DLG2: variants seen among roughly 807,000 people sequenced by gnomAD.
DLG2 encodes disks large homolog 2.
DLG2 carries 45 observed loss-of-function variants against 132.5 expected under a neutral mutation model. The observed-to-expected ratio is 0.34, with a 90% confidence interval of 0.27 to 0.44. The LOEUF (loss-of-function observed/expected upper bound fraction) is 0.44. DLG2 is among the 20% of genes least tolerant of loss of function. The probability of loss-of-function intolerance (pLI) is 1.00; values close to 1 mark genes in which losing one functional copy is unlikely to be tolerated. For synonymous variants in DLG2, 424 were observed against 419.6 expected (o/e 1.01, Z -0.13); for missense variants, 1,045 against 1,196.9 (o/e 0.87, Z 1.87).
At chr11:83,753,884 C>CATATATGAT (rs1566833454) in intron 18 of DLG2, among the ~76,000 whole-genome samples, 1 of 18,758 alleles carries the variant, frequency 5.3e-5, no homozygotes, top group African/African-American at 7.3e-4. Context: ...TGATATATAT[C>CATATATGAT]ATATATATCA....
chr11:84,657,615 C>G (rs1595044941), intron 6 of DLG2, among the ~76,000 whole-genome samples: 1 of 152,096 alleles, frequency 6.6e-6, no homozygotes, highest in Non-Finnish European at 1.5e-5. Flanking sequence ...AACCTAGATC[C>G]CTCACATGCA....
chr11:83,490,501 A>G (rs914951393), intron 21 of DLG2, among the ~76,000 whole-genome samples: 9 of 152,050 alleles, frequency 5.9e-5, no homozygotes, highest in African/African-American at 2.2e-4. Context: ...CAAGTTAGGG[A>G]AGAATCATCT....
At chr11:84,721,442 A>G (rs929730053) in intron 6 of DLG2, among the ~76,000 whole-genome samples, 2 of 152,056 alleles carry the variant, frequency 1.3e-5, no homozygotes, top group African/African-American at 4.8e-5. Context: ...CCCCAGAAGT[A>G]GTATTTATGT....
At chr11:85,127,462 G>T (rs939237055) in intron 5 of DLG2, among the ~76,000 whole-genome samples, 1 of 151,934 alleles carries the variant, frequency 6.6e-6, no homozygotes, top group Non-Finnish European at 1.5e-5. Flanking sequence ...CATTTCCATA[G>T]CACTCTATAT....
At chr11:83,930,810 C>T (rs1435300096) in intron 14 of DLG2, among the ~76,000 whole-genome samples, 1 of 152,150 alleles carries the variant, frequency 6.6e-6, no homozygotes, top group Non-Finnish European at 1.5e-5. Context: ...CTCCCATTTC[C>T]TCCGTTTACT....
chr11:83,598,037 C>T (rs901164147), intron 19 of DLG2, among the ~76,000 whole-genome samples: 2 of 152,174 alleles, frequency 1.3e-5, no homozygotes, highest in African/African-American at 4.8e-5. Flanking sequence ...TGGTCTGATG[C>T]TCCCTATTTT....
chr11:84,044,523 T>G (rs941238821), intron 11 of DLG2, among the ~76,000 whole-genome samples: 5 of 151,722 alleles, frequency 3.3e-5, no homozygotes, highest in Non-Finnish European at 4.4e-5. Flanking sequence ...GAGCAATAGC[T>G]GGCAAGGGTG....
At chr11:83,492,713 C>T (rs1257055729) in intron 21 of DLG2, among the ~76,000 whole-genome samples, 1 of 151,984 alleles carries the variant, frequency 6.6e-6, no homozygotes, top group Non-Finnish European at 1.5e-5. Context: ...CTCTCATACC[C>T]CACATCCAAT....
intron 6 of DLG2, among the ~76,000 whole-genome samples, chr11:85,065,309 T>A (rs1352995331): frequency 6.6e-6 from 1 of 151,410 alleles, no homozygotes; most frequent in African/African-American, 2.4e-5. Flanking sequence ...CTATGTAAAA[T>A]GCAAATTTGA....
intron 7 of DLG2, among the ~76,000 whole-genome samples, chr11:84,312,440 T>C (rs2098297215): frequency 6.6e-6 from 1 of 152,172 alleles, no homozygotes. Flanking sequence ...GGTGGCACCA[T>C]GGCATTCCAG....
intron 7 of DLG2, among the ~76,000 whole-genome samples, chr11:84,424,763 T>C (rs1345456092): frequency 6.6e-6 from 1 of 152,120 alleles, no homozygotes; most frequent in Admixed American, 6.5e-5. Context: ...CATTCACATG[T>C]GCTTCCTAAG....
intron 6 of DLG2, among the ~76,000 whole-genome samples, chr11:85,005,327 A>G (rs2058557212): frequency 6.6e-6 from 1 of 152,100 alleles, no homozygotes; most frequent in African/African-American, 2.4e-5. Flanking sequence ...CAGTATGGCC[A>G]TTTTCACAAT....
chr11:85,032,172 A>G (rs1054767736), intron 6 of DLG2, among the ~76,000 whole-genome samples: 1 of 152,050 alleles, frequency 6.6e-6, no homozygotes, highest in Non-Finnish European at 1.5e-5. Flanking sequence ...GTTGAAGTAG[A>G]GCTTTTCATA....
intron 3 of DLG2, among the ~76,000 whole-genome samples, chr11:85,502,723 T>C (rs1182367921): frequency 3.9e-5 from 6 of 152,012 alleles, no homozygotes; most frequent in Admixed American, 2.6e-4. Flanking sequence ...ACCTAGATGA[T>C]GGGTTGATAG....
intron 6 of DLG2, among the ~76,000 whole-genome samples, chr11:84,805,184 C>A (rs377060052): frequency 6.6e-6 from 1 of 152,048 alleles, no homozygotes; most frequent in Non-Finnish European, 1.5e-5. Context: ...TAGTGGGAAA[C>A]GGGAACTCCC....
chr11:84,308,629 G>C (rs1217516475), intron 7 of DLG2, among the ~76,000 whole-genome samples: 1 of 151,920 alleles, frequency 6.6e-6, no homozygotes, highest in Non-Finnish European at 1.5e-5. Context: ...GGCTCCGGCC[G>C]CACAGGAGCT....
intron 9 of DLG2, among the ~76,000 whole-genome samples, chr11:84,111,818 A>G (rs1350779976): frequency 6.6e-6 from 1 of 152,180 alleles, no homozygotes; most frequent in East Asian, 1.9e-4. Context: ...AATATTTCCC[A>G]TTTTCCATTG....
chr11:84,331,614 G>A (rs567846862), intron 7 of DLG2, among the ~76,000 whole-genome samples: 14 of 151,100 alleles, frequency 9.3e-5, no homozygotes, highest in Non-Finnish European at 1.5e-4. Flanking sequence ...CCGGGTGGGT[G>A]GTGGTGGGAA....
intron 6 of DLG2, among the ~76,000 whole-genome samples, chr11:84,809,158 C>T (rs2076296467): frequency 6.6e-6 from 1 of 151,864 alleles, no homozygotes; most frequent in Non-Finnish European, 1.5e-5. Flanking sequence ...GTGTACTCAA[C>T]AATATAAACA....
Sources: gnomAD v4.1 joint callset for allele counts (sites outside exome capture counted in the v4.1 genomes callset) on GRCh38, gnomAD v4.1.1 for gene constraint, MANE v1.5 for transcripts, NCBI Gene and HGNC (gene_info 2026-07-23, HGNC 2026-07-21) for gene names.